Variants in NAALADL2 observed in about 807,000 individuals in gnomAD.
NAALADL2 encodes N-acetylated alpha-linked acidic dipeptidase like 2.
Under a neutral mutation model 87.2 loss-of-function variants are expected in NAALADL2, and 76 were observed. The ratio of observed to expected loss-of-function variants is 0.87; its 90% confidence interval spans 0.72 to 1.05. The LOEUF (loss-of-function observed/expected upper bound fraction) is 1.05, where lower values mean the gene tolerates loss of function less well. NAALADL2 is among the 50% of genes least tolerant of loss of function. The probability of loss-of-function intolerance (pLI) is 0.00; values close to 1 mark genes in which losing one functional copy is unlikely to be tolerated. For missense variants in NAALADL2, 1,089 were observed against 945.8 expected (o/e 1.15, Z -1.99); for synonymous variants, 354 against 331.0 (o/e 1.07, Z -0.75).
intron 2 of NAALADL2, among the ~76,000 whole-genome samples, chr3:174,578,722 A>C (rs369573947): frequency 1.3e-5 from 2 of 151,900 alleles, no homozygotes; most frequent in African/African-American, 4.8e-5. Flanking sequence ...ATTATATAAA[A>C]ATTTCTTAAT....
intron 13 of NAALADL2, among the ~76,000 whole-genome samples, chr3:175,766,640 TCTG>T (rs1748722980): frequency 6.6e-6 from 1 of 152,218 alleles, no homozygotes; most frequent in South Asian, 2.1e-4. Flanking sequence ...CTTTATTTTA[TCTG>T]CTATTTTATT....
chr3:174,771,921 T>C (rs1714615895), intron 3 of NAALADL2, among the ~76,000 whole-genome samples: 1 of 152,214 alleles, frequency 6.6e-6, no homozygotes, highest in African/African-American at 2.4e-5. Flanking sequence ...ATGCACATAC[T>C]CAACTGTTCA....
chr3:175,270,841 T>G (rs903907412), intron 4 of NAALADL2, among the ~76,000 whole-genome samples: 24 of 152,192 alleles, frequency 1.6e-4, no homozygotes, highest in Non-Finnish European at 3.1e-4. Flanking sequence ...CTGATTTTAC[T>G]GTGCTGTCAA....
intron 5 of NAALADL2, among the ~76,000 whole-genome samples, chr3:175,373,967 G>C (rs1766802467): frequency 6.6e-6 from 1 of 151,966 alleles, no homozygotes; most frequent in African/African-American, 2.4e-5. Context: ...GGAAGAATCT[G>C]TCTATGCATA....
intron 5 of NAALADL2, among the ~76,000 whole-genome samples, chr3:175,346,260 C>G (rs1053615758): frequency 6.6e-6 from 1 of 151,660 alleles, no homozygotes; most frequent in Non-Finnish European, 1.5e-5. Flanking sequence ...TTTTTTTTAG[C>G]CACTCTTTTC....
At chr3:175,500,701 G>A (rs1729420654) in intron 9 of NAALADL2, among the ~76,000 whole-genome samples, 1 of 152,010 alleles carries the variant, frequency 6.6e-6, no homozygotes, top group African/African-American at 2.4e-5. Context: ...TGATATGGGT[G>A]CTATTATTAT....
In NAALADL2 at chr3:175,780,001, G is replaced by A. The variant is rs964994267; in HGVS notation, c.2190-23004G>A. 2.0e-5 allele frequency among the ~76,000 whole-genome samples: 3 copies of A among 152,140 alleles called. No individual in the cohort carries two copies. The East Asian group carries it at 5.8e-4, about 29-fold the overall frequency. On this transcript the variant is annotated intron_variant, in intron 13 of 13. Transcript: ENST00000454872. ...CAAATAGTCAGGGCCGGGCGCGGTG[G>A]CTCACGCCTGTAATCCCAGCACTCT...
At chr3:175,195,025 TTCTCTCTC>T (rs199512057) in intron 2 of NAALADL2, among the ~76,000 whole-genome samples, 1 of 149,470 alleles carries the variant, frequency 6.7e-6, no homozygotes, top group Non-Finnish European at 1.5e-5. Flanking sequence ...TAATTTTTAA[TTCTCTCTC>T]TCTCTCTCTC....
At chr3:175,291,527 T>C (rs1018001166) in intron 4 of NAALADL2, among the ~76,000 whole-genome samples, 2 of 152,074 alleles carry the variant, frequency 1.3e-5, no homozygotes, top group Non-Finnish European at 2.9e-5. Flanking sequence ...ATACCTGGGG[T>C]TATATATGTT....
At chr3:175,162,740 A>G (rs1391168410) in intron 2 of NAALADL2, among the ~76,000 whole-genome samples, 4 of 152,214 alleles carry the variant, frequency 2.6e-5, no homozygotes, top group Admixed American at 2.6e-4. Context: ...AAGTAAAGCT[A>G]TAAGATAGGC....
At chr3:175,681,526 T>C (rs1345407531) in intron 11 of NAALADL2, among the ~76,000 whole-genome samples, 1 of 152,236 alleles carries the variant, frequency 6.6e-6, no homozygotes, top group East Asian at 1.9e-4. Context: ...TATGCATTTT[T>C]ACTATAAAGC....
chr3:175,126,223 G>A (rs1726923388), intron 2 of NAALADL2, among the ~76,000 whole-genome samples: 2 of 152,058 alleles, frequency 1.3e-5, no homozygotes, highest in Non-Finnish European at 1.5e-5. Flanking sequence ...AGGAATTGGA[G>A]ATAGGAAGAA....
intron 1 of NAALADL2, among the ~76,000 whole-genome samples, chr3:174,882,824 TATACAC>T (rs1304442039): frequency 6.8e-6 from 1 of 146,806 alleles, no homozygotes; most frequent in African/African-American, 2.6e-5. Flanking sequence ...TATGTGTATA[TATACAC>T]GTGTGTATAT....
intron 9 of NAALADL2, among the ~76,000 whole-genome samples, chr3:175,513,009 A>C (rs1290529842): frequency 6.6e-6 from 1 of 152,154 alleles, no homozygotes; most frequent in Non-Finnish European, 1.5e-5. Context: ...ACAAGAAGCT[A>C]CTCTAAAATA....
chr3:175,308,486 A>G (rs1167624955), intron 4 of NAALADL2, among the ~76,000 whole-genome samples: 1 of 152,214 alleles, frequency 6.6e-6, no homozygotes, highest in Non-Finnish European at 1.5e-5. Flanking sequence ...GATATAGTCC[A>G]CTGAAATAAT....
At chr3:174,728,933 G>A (rs557200787) in intron 2 of NAALADL2, among the ~76,000 whole-genome samples, 1 of 152,044 alleles carries the variant, frequency 6.6e-6, no homozygotes, top group South Asian at 2.1e-4. Context: ...CCGCCTCATC[G>A]AGGTCAAGAA....
chr3:175,583,096 T>G (rs1404747681), intron 10 of NAALADL2, among the ~76,000 whole-genome samples: 1 of 152,218 alleles, frequency 6.6e-6, no homozygotes, highest in East Asian at 1.9e-4. Context: ...ACATGTTACC[T>G]TAGCCTAGCC....
Position 175,062,234 on chromosome 3 carries a change from G to A in NAALADL2, c.44-34556G>A, listed in dbSNP as rs1008638009. Among the ~76,000 whole-genome samples the A allele has an allele frequency of 3.3e-5, 5 of 152,182 alleles. No homozygotes were observed. In the South Asian group the frequency reaches 1.0e-3, roughly 32 times the overall value. ...AAGGAAAACTGCAGGAGCTTGTTTT[G>A]GTTAAACAATGTACTTTTGCCATCC... On this transcript the variant is annotated intron_variant, in intron 1 of 13. Coordinates refer to ENST00000454872, the MANE Select transcript of NAALADL2 (RefSeq NM_207015.3).
chr3:175,557,186 A>G (rs987759737), intron 9 of NAALADL2, among the ~76,000 whole-genome samples: 1 of 152,198 alleles, frequency 6.6e-6, no homozygotes, highest in Non-Finnish European at 1.5e-5. Context: ...TGGAAAATAC[A>G]TGCTCATTAT....
Sources: allele counts gnomAD v4.1 joint callset (sites outside exome capture counted in the v4.1 genomes callset), GRCh38; gene constraint gnomAD v4.1.1; transcripts MANE v1.5; gene names NCBI Gene and HGNC (gene_info 2026-07-23, HGNC 2026-07-21).